EPRS1: variants seen among roughly 807,000 people sequenced by gnomAD.
EPRS1 encodes the protein bifunctional glutamate/proline--tRNA ligase.
Under a neutral mutation model 188.3 loss-of-function variants are expected in EPRS1, and 107 were observed. The ratio of observed to expected loss-of-function variants is 0.57; its 90% CI spans 0.49 to 0.67. The LOEUF (loss-of-function observed/expected upper bound fraction) is 0.67. Ranked by LOEUF, EPRS1 falls within the 30% of genes least tolerant of loss-of-function variation. The pLI, the probability that EPRS1 is intolerant of heterozygous loss-of-function variation, is 0.00. For synonymous variants in EPRS1, 596 were observed against 593.1 expected (o/e 1.00, Z -0.07); for missense variants, 1,577 against 1,802.2 (o/e 0.88, Z 2.26).
intron 18 of EPRS1, among the ~76,000 whole-genome samples, chr1:219,993,407 C>T (rs1037984846): frequency 2.6e-5 from 4 of 152,160 alleles, no homozygotes; most frequent in African/African-American, 9.7e-5. Context: ...AGATGGTAGA[C>T]TTGATGGACT....
chr1:219,981,316 TTAAA>T (rs1558272110), intron 24 of EPRS1, 58 bp downstream of exon 24: 38 of 1,050,836 alleles, frequency 3.6e-5, no homozygotes, highest in South Asian at 1.6e-4. Context: ...AAAATGTGCT[TTAAA>T]AAAAAAAAAA....
chr1:220,022,659 G>T (rs111594220), intron 8 of EPRS1, 141 bp from the exon 9 acceptor site: 8 of 671,442 alleles, frequency 1.2e-5, no homozygotes, highest in African/African-American at 5.5e-5. Context: ...AATATTTCCA[G>T]TATCCAGTAC....
intron 1 of EPRS1, among the ~76,000 whole-genome samples, chr1:220,043,861 GCAAA>G (rs1662347619): frequency 6.6e-6 from 1 of 152,220 alleles, no homozygotes; most frequent in Non-Finnish European, 1.5e-5. Context: ...ACAATCAGAT[GCAAA>G]CAAAGCATAA....
chr1:219,996,066 A>G (rs930445044), intron 18 of EPRS1, among the ~76,000 whole-genome samples: 1 of 152,176 alleles, frequency 6.6e-6, no homozygotes, highest in African/African-American at 2.4e-5. Flanking sequence ...GTCTTAAACT[A>G]TGCTGCTGTT....
chr1:220,007,911 T>TCC (rs1162708839), intron 13 of EPRS1, among the ~76,000 whole-genome samples: 1 of 152,064 alleles, frequency 6.6e-6, no homozygotes, highest in African/African-American at 2.4e-5. Flanking sequence ...ATCGAGATCA[T>TCC]CCTGGCTAAC....
At chr1:219,985,473 A>AC (rs1660989222) in intron 20 of EPRS1, among the ~76,000 whole-genome samples, 1 of 151,904 alleles carries the variant, frequency 6.6e-6, no homozygotes, top group Non-Finnish European at 1.5e-5. Flanking sequence ...ACTCACTGCA[A>AC]CCTCCACCTC....
intron 28 of EPRS1, among the ~76,000 whole-genome samples, chr1:219,976,914 G>A (rs1275064438): frequency 6.6e-6 from 1 of 152,030 alleles, no homozygotes; most frequent in Non-Finnish European, 1.5e-5. Context: ...TTTCCACATA[G>A]TAAAAAGAAA....
intron 1 of EPRS1, among the ~76,000 whole-genome samples, chr1:220,045,660 A>G (rs1662387647): frequency 6.6e-6 from 1 of 152,238 alleles, no homozygotes; most frequent in Non-Finnish European, 1.5e-5. Flanking sequence ...CAGTAAGGTG[A>G]CAGATCCAAT....
chr1:220,007,170 T>C (rs190019956), intron 14 of EPRS1, 32 bp downstream of exon 14: 791 of 1,571,200 alleles, frequency 5.0e-4, no homozygotes, highest in Admixed American at 1.8e-3. Context: ...TTTTCTCCTA[T>C]GTTTATTTGA....
chr1:219,990,567 G>A (rs763446192), intron 18 of EPRS1, among the ~76,000 whole-genome samples: 37 of 152,140 alleles, frequency 2.4e-4, no homozygotes, highest in Non-Finnish European at 4.9e-4. Flanking sequence ...ATAAGTAGTA[G>A]AGCTAGTATT....
chr1:219,980,339 CA>C, intron 25 of EPRS1, 99 bp from the exon 26 acceptor site: 1 of 844,932 alleles, frequency 1.2e-6, no homozygotes. Flanking sequence ...GTGGGAAAAG[CA>C]ATCTGAACAA....
At chr1:220,003,023 C>T (rs1185596684) in intron 16 of EPRS1, among the ~76,000 whole-genome samples, 1 of 152,166 alleles carries the variant, frequency 6.6e-6, no homozygotes, top group Non-Finnish European at 1.5e-5. Flanking sequence ...CAAATGGTAA[C>T]TCCGTGTTTA....
rs369387593 is a variant in EPRS1, at chr1:219,983,215, T to C, written c.3274A>G (p.Thr1092Ala). Residue 1092 changes from threonine to alanine, a missense_variant, in exon 22 of 32, where the codon ACT (threonine) becomes GCT (alanine). Transcript: ENST00000366923. ...TCTGGGGCAAAGTCAGCAACATGAG[T>C]CTTCTCTTTCTCTAATGCACTTTGA... ...VSQSALEKEK[T>A]HVADFAPEVA... 2 of 1,613,870 alleles carry C rather than the reference T, an allele frequency of 1.2e-6. No homozygotes were observed. The highest frequency in any genetic ancestry group is 1.7e-5 in the Admixed American group (1 of 59,998).
At chr1:220,004,891 C>T (rs975098996) in intron 16 of EPRS1, among the ~76,000 whole-genome samples, 27 of 151,404 alleles carry the variant, frequency 1.8e-4, no homozygotes, top group African/African-American at 6.6e-4. Flanking sequence ...GCTGTTTGTA[C>T]CATTTATCTA....
intron 12 of EPRS1, among the ~76,000 whole-genome samples, chr1:220,016,157 A>G (rs1285238268): frequency 4.6e-5 from 7 of 152,144 alleles, no homozygotes; most frequent in Admixed American, 4.6e-4. Flanking sequence ...CAGCCTGGCC[A>G]ACATGGCAAA....
At position 219,984,265 on chromosome 1, in the gene EPRS1, T is replaced by C. The variant is rs930918924; in HGVS notation, c.3039-8A>G. ...TTTGCCTCAAGACCCAACCTGCAGA[T>C]GTGAAAAGTAAAAGATAAATATCTT... On this transcript the variant is annotated splice_region_variant and splice_polypyrimidine_tract_variant and intron_variant, in intron 20 of 31. Coordinates refer to ENST00000366923, the MANE Select transcript of EPRS1 (RefSeq NM_004446.3). The C allele has an allele frequency of 1.1e-5, 17 of 1,607,860 alleles. No homozygotes were observed. Among genetic ancestry groups the C allele is most frequent in the Non-Finnish European group, 1.3e-5 (15 of 1,174,572 alleles).
At chr1:220,015,086 C>A (rs1001366339) in intron 12 of EPRS1, among the ~76,000 whole-genome samples, 2 of 152,098 alleles carry the variant, frequency 1.3e-5, no homozygotes, top group South Asian at 2.1e-4. Context: ...TAAGACAGAA[C>A]ACGAAACAAG....
At chr1:220,026,413 A>T (rs1252200981) in intron 6 of EPRS1, among the ~76,000 whole-genome samples, 2 of 152,238 alleles carry the variant, frequency 1.3e-5, no homozygotes, top group African/African-American at 4.8e-5. Flanking sequence ...ATGTTGAAAT[A>T]CAGTTGATTG....
At chr1:219,989,511 A>G (rs190969901) in intron 18 of EPRS1, among the ~76,000 whole-genome samples, 2 of 151,882 alleles carry the variant, frequency 1.3e-5, no homozygotes, top group Non-Finnish European at 2.9e-5. Flanking sequence ...TACCACTGGG[A>G]ACTTGGAGGT....
Sources: gnomAD v4.1 joint callset for allele counts (sites outside exome capture counted in the v4.1 genomes callset) on GRCh38, gnomAD v4.1.1 for gene constraint, MANE v1.5 for transcripts, NCBI Gene and HGNC (gene_info 2026-07-23, HGNC 2026-07-21) for gene names.